The following SLC25A23 variants were observed in gnomAD, a reference collection of about 807,000 sequenced individuals.
SLC25A23 encodes the protein mitochondrial adenyl nucleotide antiporter SLC25A23.
In SLC25A23, 32 loss-of-function variants were observed where a neutral mutation model predicts 53.9. That is an observed-to-expected ratio of 0.59 (90% CI 0.45 to 0.80). The LOEUF is 0.80. SLC25A23 is among the 30% of genes least tolerant of loss of function. The probability of loss-of-function intolerance (pLI) is 0.00; values close to 1 mark genes in which losing one functional copy is unlikely to be tolerated. For missense variants in SLC25A23, 575 were observed against 651.4 expected (o/e 0.88, Z 1.28); for synonymous variants, 275 against 264.5 (o/e 1.04, Z -0.38).
At chr19:6,455,707 GTTTTTTTTTTT>G (rs529957147) in intron 4 of SLC25A23, among the ~76,000 whole-genome samples, 6 of 124,956 alleles carry the variant, frequency 4.8e-5, no homozygotes, top group Admixed American at 2.6e-4. Flanking sequence ...TGAAGACCGT[GTTTTTTTTTTT>G]TTTTTTTTTT....
At chr19:6,456,163 C>A in intron 4 of SLC25A23, 1 of 1,386,048 alleles carries the variant, frequency 7.2e-7, no homozygotes, top group Non-Finnish European at 9.6e-7. Flanking sequence ...CCCGCAACCC[C>A]CACACGCTGT....
In SLC25A23 at chr19:6,442,077, G is replaced by A; in HGVS notation, c.1305C>T (p.Tyr435=). 1.2e-6 allele frequency: 2 copies of A among 1,611,462 alleles called. No homozygotes were observed. The highest frequency in any genetic ancestry group is 1.7e-6 in the Non-Finnish European group (2 of 1,178,788). Residue 435 remains tyrosine, a synonymous_variant, in exon 10 of 10, where the codon TAC becomes TAT. Coordinates refer to ENST00000301454, the MANE Select transcript of SLC25A23 (RefSeq NM_024103.3). ...ILSQEGMRGL[Y]RGIAPNFMKV... ...TCATGAAGTTGGGGGCGATCCCCCG[G>A]TAGAGGCCCCGCATGCCCTCCTGGG...
chr19:6,449,639 C>T (rs1370049823), intron 8 of SLC25A23, among the ~76,000 whole-genome samples: 1 of 151,918 alleles, frequency 6.6e-6, no homozygotes, highest in African/African-American at 2.4e-5. Context: ...TGGTCTCGAT[C>T]TCTTGACCTT....
chr19:6,459,475 G>T lies in SLC25A23; in HGVS notation c.154C>A (p.Gln52Lys). The change falls in exon 1 of 10, where the codon CAG becomes AAG. Residue 52 changes from glutamine (Q) to lysine (K), a missense_variant and splice_region_variant. Gln to Lys is a moderately conservative substitution (Grantham distance 53). Coordinates refer to ENST00000301454, the MANE Select transcript of SLC25A23 (RefSeq NM_024103.3). The surrounding 1 kb of genome is among the most constrained non-coding windows in gnomAD (Gnocchi z 4.6). Reference sequence around the variant, plus strand: ...GAGGTCCCTGGGGGTGGGGGTACCTGTTGGGCGCCGGGGTCTGGGTTGCCC... The same window carrying T: ...GAGGTCCCTGGGGGTGGGGGTACCTTTTGGGCGCCGGGGTCTGGGTTGCCC... ...GGGNPDPGAQ[Q>K]GISSEGDADP... 1.3e-6 allele frequency: 2 copies of T among 1,588,216 alleles called. No homozygotes were observed. The highest frequency in any genetic ancestry group is 2.2e-5 in the South Asian group (2 of 89,664).
At position 6,454,491 on chromosome 19, in the gene SLC25A23, AC is replaced by A. The variant is rs1330569954; in HGVS notation, c.643-17del. 10 of 1,613,848 alleles carry A rather than the reference AC, an allele frequency of 6.2e-6. No homozygotes were observed. In the African/African-American group the frequency reaches 1.2e-4, roughly 19 times the overall value. ...AGGCATGGACCTGAATGGGGAGACA[AC>A]AGCTTGGAGGTCCCCTCCCAGGTGT... On this transcript the variant is annotated splice_polypyrimidine_tract_variant and intron_variant, in intron 5 of 9. Transcript: ENST00000301454. This position sits in a 1 kb window ranked among gnomAD's most constrained non-coding sequence, Gnocchi z 4.3.
chr19:6,459,666 C>T lies in SLC25A23; in HGVS notation c.-38G>A, dbSNP rs118160965. 85,352 of 1,314,494 alleles carry T rather than the reference C, an allele frequency of 0.065. 3,017 individuals carry two copies. Among genetic ancestry groups the T allele is most frequent in the Middle Eastern group, 0.11 (457 of 4,194 alleles). The allele number at this position is 1,314,494 out of a possible 1,614,324, so 81.4% of individuals were successfully genotyped here. On this transcript the variant is annotated 5_prime_UTR_variant, in exon 1 of 10. Transcript: ENST00000301454. This position sits in a 1 kb window ranked among gnomAD's most constrained non-coding sequence, Gnocchi z 4.6. ...GGGGGGAGGGGAGGCCCGGCAGCGG[C>T]GGCCTCAGTGGGGGCTTCGCGGCTC...
intron 7 of SLC25A23, among the ~76,000 whole-genome samples, chr19:6,453,009 T>G (rs1568372131): frequency 6.6e-6 from 1 of 152,166 alleles, no homozygotes; most frequent in Non-Finnish European, 1.5e-5. Context: ...GAGAAAGAGG[T>G]ACACATAAGG....
Position 6,454,800 on chromosome 19 carries a change from A to T in SLC25A23, c.484-83T>A. On this transcript the variant is annotated intron_variant, in intron 4 of 9. Coordinates refer to ENST00000301454, the MANE Select transcript of SLC25A23 (RefSeq NM_024103.3). This position sits in a 1 kb window ranked among gnomAD's most constrained non-coding sequence, Gnocchi z 4.3. ...AGTCCTAAATAGGGGAGTCTCCTCT[A>T]TGAATCCTAGGATACCCTAGAGTCT... The T allele has an allele frequency of 2.0e-6, 3 of 1,513,462 alleles. No individual in the cohort carries two copies. The highest frequency in any genetic ancestry group is 2.1e-4 in the Middle Eastern group (1 of 4,774). 93.8% of individuals were successfully genotyped at this position (1,513,462 alleles called of 1,614,324 possible).
At position 6,454,096 on chromosome 19, in the gene SLC25A23, G is replaced by A. The variant is rs143649171; in HGVS notation, c.796-8C>T. ...CAGGATGGCCCTCTTGATCTGAGGC[G>A]GGGAGACACAGGGATGGGTAGGACC... is the stretch of plus-strand genomic sequence containing the variant. On this transcript the variant is annotated splice_polypyrimidine_tract_variant and splice_region_variant and intron_variant, in intron 6 of 9. Transcript: ENST00000301454. The surrounding 1 kb of genome is among the most constrained non-coding windows in gnomAD (Gnocchi z 4.3). The A allele has an allele frequency of 5.5e-5, 88 of 1,609,616 alleles. No individual in the cohort carries two copies. In the African/African-American group the frequency reaches 8.9e-4, roughly 16 times the overall value.
chr19:6,443,016 G>A (rs563939553), intron 9 of SLC25A23, among the ~76,000 whole-genome samples: 34 of 146,736 alleles, frequency 2.3e-4, no homozygotes, highest in South Asian at 1.9e-3. Flanking sequence ...TTGGCTTACT[G>A]CAACCTATGC....
downstream of SLC25A23, among the ~76,000 whole-genome samples, chr19:6,439,397 T>TCACACACACACA (rs1030315290): frequency 2.9e-5 from 3 of 104,232 alleles, no homozygotes; most frequent in African/African-American, 1.2e-4. Flanking sequence ...TCTCTCTCTC[T>TCACACACACACA]CTCACACACA....
rs748793177 is a variant in SLC25A23 at position 6,458,260 on chromosome 19, T to A, written c.221A>T (p.Tyr74Phe). ...CAGACGCTGTTCCCGCTCCTGCAGA[T>A]AGCGGGAAAATTCCTCCAGGTCGAG... ...GGLDLEEFSR[Y>F]LQEREQRLLL... is the part of the protein sequence containing the mutation. The change falls in exon 2 of 10, where the codon TAT becomes TTT. Residue 74 changes from tyrosine to phenylalanine, a missense_variant. Physicochemically the swap from Tyr to Phe is conservative, Grantham distance 22 (BLOSUM62 3). Coordinates refer to ENST00000301454, the MANE Select transcript of SLC25A23 (RefSeq NM_024103.3). 20 of 1,613,602 alleles carry A rather than the reference T, an allele frequency of 1.2e-5. No individual in the cohort carries two copies. The highest frequency in any genetic ancestry group is 1.4e-5 in the Non-Finnish European group (16 of 1,179,958).
downstream of SLC25A23, among the ~76,000 whole-genome samples, chr19:6,439,878 G>A (rs1427586988): frequency 6.6e-6 from 1 of 151,832 alleles, no homozygotes; most frequent in Non-Finnish European, 1.5e-5. Flanking sequence ...AATTTAGAAG[G>A]GGTTATAAAC....
intron 3 of SLC25A23, 55 bp downstream of exon 3, chr19:6,457,448 C>T: frequency 6.7e-7 from 1 of 1,502,096 alleles, no homozygotes; most frequent in African/African-American, 1.4e-5. Context: ...ACAGAGATGG[C>T]CAAGGGGTCA....
chr19:6,450,337 C>T (rs906183176), intron 8 of SLC25A23, among the ~76,000 whole-genome samples: 2 of 152,142 alleles, frequency 1.3e-5, no homozygotes, highest in African/African-American at 2.4e-5. Context: ...CAACCCATGG[C>T]TTCAATGTCA....
chr19:6,442,578 C>T (rs184809879), intron 9 of SLC25A23, among the ~76,000 whole-genome samples: 1,641 of 152,236 alleles, frequency 0.011, 20 homozygotes, highest in South Asian at 0.037. Context: ...GACGGAGTTT[C>T]GCTCTTGTTG....
Position 6,459,541 on chromosome 19 carries a change from C to T in SLC25A23, c.88G>A (p.Asp30Asn). 3 of 1,599,180 alleles carry T rather than the reference C, an allele frequency of 1.9e-6. No homozygotes were observed. Among genetic ancestry groups the T allele is most frequent in the Non-Finnish European group, 2.5e-6 (3 of 1,177,134 alleles). ...AGCCCCTGGCGCAACTCGTGCACGT[C>T]CACGCGGCCATCCTTGTTACTGTCC... ...ELDSNKDGRV[D>N]VHELRQGLAR... Residue 30 changes from aspartate to asparagine, a missense_variant, in exon 1 of 10, where the codon GAC (aspartate) becomes AAC (asparagine). Coordinates refer to ENST00000301454, the MANE Select transcript of SLC25A23 (RefSeq NM_024103.3). This position sits in a 1 kb window ranked among gnomAD's most constrained non-coding sequence, Gnocchi z 4.6.
intron 9 of SLC25A23, among the ~76,000 whole-genome samples, chr19:6,443,100 G>A (rs990028586): frequency 6.6e-6 from 1 of 150,560 alleles, no homozygotes; most frequent in African/African-American, 2.4e-5. Flanking sequence ...TATCACACCC[G>A]GCTAATTTTT....
chr19:6,443,846 G>A (rs568155727), intron 9 of SLC25A23, among the ~76,000 whole-genome samples: 1 of 152,104 alleles, frequency 6.6e-6, no homozygotes, highest in Non-Finnish European at 1.5e-5. Context: ...TCCCGCTCAC[G>A]ATAACCCAGG....
Sources: gnomAD v4.1 joint callset for allele counts (sites outside exome capture counted in the v4.1 genomes callset) on GRCh38, gnomAD v4.1.1 for gene constraint, Gnocchi (gnomAD v3.1) non-coding constraint, MANE v1.5 for transcripts, NCBI Gene and HGNC (gene_info 2026-07-23, HGNC 2026-07-21) for gene names.